GNG12: variants seen among roughly 807,000 people sequenced by gnomAD.
GNG12 encodes G protein subunit gamma 12.
For missense variants in GNG12, 69 were observed against 83.8 expected, an observed-to-expected ratio of 0.82 and a Z score of 0.69; for synonymous variants, 28 against 29.7, an observed-to-expected ratio of 0.94 and a Z score of 0.19.
At chr1:67,798,592 T>C (rs955887996) in intron 1 of GNG12, among the ~76,000 whole-genome samples, 16 of 151,740 alleles carry the variant, frequency 1.1e-4, no homozygotes, top group Non-Finnish European at 1.9e-4. Context: ...CCTTCCTCCT[T>C]CTCCTCAGCC....
At chr1:67,778,072 T>C (rs1322542716) in intron 1 of GNG12, among the ~76,000 whole-genome samples, 1 of 149,206 alleles carries the variant, frequency 6.7e-6, no homozygotes, top group Non-Finnish European at 1.5e-5. Context: ...TAATAATAGA[T>C]TAACAATATA....
chr1:67,779,937 C>T (rs1646727980), intron 1 of GNG12, among the ~76,000 whole-genome samples: 2 of 152,094 alleles, frequency 1.3e-5, no homozygotes, highest in Admixed American at 6.6e-5. Flanking sequence ...TAACACAATG[C>T]TATTTGTGTA....
At chr1:67,793,548 A>T (rs1034836594) in intron 1 of GNG12, among the ~76,000 whole-genome samples, 1 of 150,298 alleles carries the variant, frequency 6.7e-6, no homozygotes, top group Non-Finnish European at 1.5e-5. Flanking sequence ...TTTTTTTTTT[A>T]AACTACAAAT....
chr1:67,820,696 T>C (rs1646980068), intron 1 of GNG12, among the ~76,000 whole-genome samples: 1 of 152,186 alleles, frequency 6.6e-6, no homozygotes, highest in Admixed American at 6.5e-5. Flanking sequence ...AAGCACAGTA[T>C]TCAACCTCTC....
chr1:67,815,638 G>A (rs1049176345), intron 1 of GNG12, among the ~76,000 whole-genome samples: 1 of 152,128 alleles, frequency 6.6e-6, no homozygotes, highest in African/African-American at 2.4e-5. Flanking sequence ...CCAATAATTT[G>A]TAAGTAGGAA....
intron 1 of GNG12, among the ~76,000 whole-genome samples, chr1:67,805,742 C>G (rs1646891190): frequency 6.6e-6 from 1 of 151,574 alleles, no homozygotes; most frequent in Non-Finnish European, 1.5e-5. Context: ...CTATCTGAGG[C>G]AATAATGACT....
intron 2 of GNG12, among the ~76,000 whole-genome samples, chr1:67,766,106 G>GCACGCACACA (rs1553157552): frequency 7.2e-6 from 1 of 139,836 alleles, no homozygotes; most frequent in African/African-American, 2.7e-5. Flanking sequence ...AGGCACACAC[G>GCACGCACACA]CACACACACA....
chr1:67,724,342 A>G (rs1422041053), intron 2 of GNG12, among the ~76,000 whole-genome samples: 1 of 152,226 alleles, frequency 6.6e-6, no homozygotes, highest in Non-Finnish European at 1.5e-5. Flanking sequence ...TGAATCTCTC[A>G]GATATTATAT....
intron 1 of GNG12, among the ~76,000 whole-genome samples, chr1:67,832,839 G>A (rs1473164960): frequency 6.6e-6 from 1 of 151,958 alleles, no homozygotes; most frequent in African/African-American, 2.4e-5. Context: ...TAGGCAGAGG[G>A]GCGTGGCGTC....
rs1459453169 is a variant in GNG12 at position 67,826,009 on chromosome 1, ACTT to A, written c.-77+7332_-77+7334del. Among the ~76,000 whole-genome samples the A allele has an allele frequency of 2.0e-5, 3 of 152,236 alleles. No individual in the cohort carries two copies. In the East Asian group the frequency reaches 5.8e-4, roughly 29 times the overall value. ...TTTCCTAGCATATATAATCAGTATT[ACTT>A]TTTTACATGTACCTTGCTGACATAC... On this transcript the variant is annotated intron_variant, in intron 1 of 3. Coordinates refer to ENST00000370982, the MANE Select transcript of GNG12 (RefSeq NM_018841.6).
intron 2 of GNG12, among the ~76,000 whole-genome samples, chr1:67,757,095 T>C (rs976182989): frequency 2.0e-5 from 3 of 152,264 alleles, no homozygotes; most frequent in Non-Finnish European, 4.4e-5. Context: ...GGAGTATTTG[T>C]ATATACATAA....
intron 1 of GNG12, among the ~76,000 whole-genome samples, chr1:67,781,401 G>A (rs888267852): frequency 4.6e-5 from 7 of 152,158 alleles, no homozygotes; most frequent in African/African-American, 1.7e-4. Context: ...TAAATCATGT[G>A]CTAGGGATGG....
At chr1:67,742,572 C>T (rs1232872984) in intron 2 of GNG12, among the ~76,000 whole-genome samples, 1 of 151,892 alleles carries the variant, frequency 6.6e-6, no homozygotes, top group East Asian at 1.9e-4. Flanking sequence ...ATTTGGGGGC[C>T]TGAAATGACA....
intron 2 of GNG12, among the ~76,000 whole-genome samples, chr1:67,732,735 C>T (rs1205703721): frequency 6.6e-6 from 1 of 152,196 alleles, no homozygotes; most frequent in Non-Finnish European, 1.5e-5. Context: ...AATGACTTGC[C>T]CAAGGTCCCC....
At chr1:67,729,424 A>T (rs1646406385) in intron 2 of GNG12, among the ~76,000 whole-genome samples, 3 of 152,202 alleles carry the variant, frequency 2.0e-5, no homozygotes, top group Admixed American at 6.5e-5. Flanking sequence ...CTTTTATTAC[A>T]GTTATCTAGA....
chr1:67,737,881 T>A (rs1646461406), intron 2 of GNG12, among the ~76,000 whole-genome samples: 1 of 152,206 alleles, frequency 6.6e-6, no homozygotes, highest in African/African-American at 2.4e-5. Flanking sequence ...ATTCCTTGCC[T>A]GCACACTTTG....
chr1:67,742,523 TATGAG>T (rs984782338), intron 2 of GNG12, among the ~76,000 whole-genome samples: 1 of 152,144 alleles, frequency 6.6e-6, no homozygotes, highest in African/African-American at 2.4e-5. Flanking sequence ...ACAATTACTC[TATGAG>T]ATAAGTACGA....
At chr1:67,723,891 A>T (rs1462470996) in intron 2 of GNG12, among the ~76,000 whole-genome samples, 1 of 152,176 alleles carries the variant, frequency 6.6e-6, no homozygotes, top group Non-Finnish European at 1.5e-5. Flanking sequence ...TTACGGGGTA[A>T]AAGGAAGTAG....
chr1:67,769,933 C>A (rs896315324), intron 2 of GNG12, among the ~76,000 whole-genome samples: 1 of 152,162 alleles, frequency 6.6e-6, no homozygotes, highest in African/African-American at 2.4e-5. Flanking sequence ...TCCAACAACT[C>A]CAACTTAGCT....
Sources: gnomAD v4.1 joint callset for allele counts (sites outside exome capture counted in the v4.1 genomes callset) on GRCh38, gnomAD v4.1.1 for gene constraint, MANE v1.5 for transcripts, NCBI Gene and HGNC (gene_info 2026-07-23, HGNC 2026-07-21) for gene names.